The following TRMT61B variants were observed in gnomAD, a reference collection of about 807,000 sequenced individuals.
The protein encoded by TRMT61B is tRNA (adenine(58)-N(1))-methyltransferase, mitochondrial.
A neutral mutation model predicts 52.0 loss-of-function variants in TRMT61B; 56 were observed. The observed-to-expected ratio is 1.08, with a 90% CI of 0.87 to 1.35. The LOEUF (loss-of-function observed/expected upper bound fraction) is 1.35. TRMT61B is among the 40% of genes most tolerant of loss of function. TRMT61B has a pLI of 0.00. For synonymous variants in TRMT61B, 206 were observed against 220.0 expected (o/e 0.94, Z 0.56); for missense variants, 650 against 577.9 (o/e 1.12, Z -1.28).
rs188915844 is a variant in TRMT61B, at chr2:28,853,564, C to T, written c.994-1065G>A. 2.2e-4 allele frequency among the ~76,000 whole-genome samples: 33 copies of T among 152,310 alleles called. No homozygotes were observed. The East Asian group carries it at 6.0e-3, about 28-fold the overall frequency. On this transcript the variant is annotated intron_variant, in intron 3 of 6. Coordinates refer to ENST00000306108, the MANE Select transcript of TRMT61B (RefSeq NM_017910.4). ...AGAAATTCACATTGTTGGCCAGAGG[C>T]AGTGGCTCACGCCTATAATCCCAGC...
intron 3 of TRMT61B, among the ~76,000 whole-genome samples, chr2:28,854,516 G>C (rs999105511): frequency 6.6e-6 from 1 of 152,008 alleles, no homozygotes; most frequent in Admixed American, 6.6e-5. Context: ...GAGGTGAGCG[G>C]ATCACCTGAG....
At chr2:28,853,556 G>C (rs751117568) in intron 3 of TRMT61B, among the ~76,000 whole-genome samples, 1 of 152,166 alleles carries the variant, frequency 6.6e-6, no homozygotes, top group Non-Finnish European at 1.5e-5. Context: ...CACATTGTTG[G>C]CCAGAGGCAG....
chr2:28,863,512 G>A (rs1416383318), intron 2 of TRMT61B, among the ~76,000 whole-genome samples: 1 of 151,258 alleles, frequency 6.6e-6, no homozygotes, highest in African/African-American at 2.4e-5. Flanking sequence ...ATAGCAATAA[G>A]TTCTTGCACA....
At chr2:28,852,341 A>G in intron 4 of TRMT61B, 67 bp downstream of exon 4, 1 of 683,946 alleles carries the variant, frequency 1.5e-6, no homozygotes, top group Admixed American at 2.7e-5. Flanking sequence ...AAAAAAATTT[A>G]GTTTGATACT....
intron 1 of TRMT61B, among the ~76,000 whole-genome samples, chr2:28,865,542 A>G (rs1272968553): frequency 6.6e-6 from 1 of 152,146 alleles, no homozygotes; most frequent in Non-Finnish European, 1.5e-5. Context: ...TGTGTCACTG[A>G]GGTGATATAA....
At chr2:28,864,935 A>C in intron 2 of TRMT61B, 82 bp downstream of exon 2, 1 of 824,496 alleles carries the variant, frequency 1.2e-6, no homozygotes, top group Non-Finnish European at 2.0e-6. Flanking sequence ...TATTTTCCCA[A>C]ATATCTTTAT....
intron 5 of TRMT61B, 134 bp from the exon 6 acceptor site, chr2:28,850,539 C>A (rs972201657): frequency 1.8e-5 from 11 of 615,080 alleles, no homozygotes; most frequent in African/African-American, 1.7e-4. Flanking sequence ...TGTTTTAGAG[C>A]TACTCTGCCA....
intron 3 of TRMT61B, among the ~76,000 whole-genome samples, chr2:28,853,251 C>T (rs184697986): frequency 1.3e-5 from 2 of 151,868 alleles, no homozygotes; most frequent in East Asian, 3.9e-4. Context: ...TGTCACCTCG[C>T]TGCAACTTCC....
intron 1 of TRMT61B, among the ~76,000 whole-genome samples, chr2:28,868,411 T>C (rs2148155474): frequency 6.6e-6 from 1 of 152,302 alleles, no homozygotes; most frequent in South Asian, 2.1e-4. Context: ...CCCAAAACAA[T>C]GTCATTGTTA....
At chr2:28,853,422 C>T (rs1391521167) in intron 3 of TRMT61B, among the ~76,000 whole-genome samples, 4 of 152,136 alleles carry the variant, frequency 2.6e-5, no homozygotes, top group East Asian at 1.9e-4. Context: ...GCGATCTGCC[C>T]GCCTCGGCCT....
Position 28,865,025 on chromosome 2 carries a change from G to C in TRMT61B, c.794C>G (p.Ser265Cys). ...TCAGTCCAATCTCTTACCTGCTTTGGATAAAAATAAGCTCATTCCACCAGA... is the reference window on the plus strand; with the variant it reads ...TCAGTCCAATCTCTTACCTGCTTTGCATAAAAATAAGCTCATTCCACCAGA... ...SGSGGMSLFL[S>C]KAVGSQGRVI... The change falls in exon 2 of 7, where the codon TCC (serine) becomes TGC (cysteine). Residue 265 changes from serine (S) to cysteine (C), a missense_variant. By Grantham distance (112) the Ser-to-Cys change is moderately radical. Transcript: ENST00000306108. 2 of 1,606,746 alleles carry C rather than the reference G, an allele frequency of 1.2e-6. No homozygotes were observed. The highest frequency in any genetic ancestry group is 8.5e-7 in the Non-Finnish European group (1 of 1,173,614).
At chr2:28,869,063 T>C (rs941101789) in intron 1 of TRMT61B, among the ~76,000 whole-genome samples, 2 of 152,234 alleles carry the variant, frequency 1.3e-5, no homozygotes, top group African/African-American at 4.8e-5. Flanking sequence ...ATAGTCATTT[T>C]ATGTTTGGTG....
intron 2 of TRMT61B, among the ~76,000 whole-genome samples, chr2:28,864,572 A>G (rs1669746734): frequency 1.3e-5 from 2 of 152,194 alleles, no homozygotes; most frequent in African/African-American, 4.8e-5. Context: ...TAAAAGTCAC[A>G]ATAGTGGTTT....
chr2:28,861,729 C>T (rs1355960686), intron 2 of TRMT61B, among the ~76,000 whole-genome samples: 1 of 152,196 alleles, frequency 6.6e-6, no homozygotes, highest in African/African-American at 2.4e-5. Context: ...CTAATATAAA[C>T]AATACTGCAA....
chr2:28,850,453 A>G lies in TRMT61B; in HGVS notation c.1313-48T>C, dbSNP rs1558336550. ...CTATAAGCTACATAAAATATTTTCT[A>G]TTTTTTTCACAAAACTGTTAAAATA... On this transcript the variant is annotated intron_variant, in intron 5 of 6. Transcript: ENST00000306108. The G allele has an allele frequency of 4.7e-6, 6 of 1,284,646 alleles. No individual in the cohort carries two copies. The South Asian group carries it at 6.8e-5, about 15-fold the overall frequency. The allele number at this position is 1,284,646 out of a possible 1,614,324, so 79.6% of individuals were successfully genotyped here.
At chr2:28,856,913 G>A (rs1669369723) in intron 3 of TRMT61B, among the ~76,000 whole-genome samples, 1 of 151,960 alleles carries the variant, frequency 6.6e-6, no homozygotes, top group Non-Finnish European at 1.5e-5. Context: ...GGGATTACAG[G>A]CATGAACCAC....
At chr2:28,850,565 C>T in intron 5 of TRMT61B, 160 bp from the exon 6 acceptor site, 1 of 569,582 alleles carries the variant, frequency 1.8e-6, no homozygotes. Context: ...TATACAGAAA[C>T]TATTTGTCAA....
intron 5 of TRMT61B, chr2:28,850,660 G>A (rs1572526394): frequency 2.5e-6 from 1 of 399,422 alleles, no homozygotes; most frequent in East Asian, 4.4e-5. Context: ...CTTGTTCATG[G>A]CCTAAATAAT....
Position 28,861,118 on chromosome 2 carries a change from T to G in TRMT61B, c.993A>C (p.Ala331=), listed in dbSNP as rs761663494. ...ACAGGACCCACGTTAGAAAACTTAC[T>G]GCGTCAAATGTTAAAGATTTTATGT... ...TEDIKSLTFD[A]VALDMLNPHV... Residue 331 remains alanine (A), a splice_region_variant and synonymous_variant, in exon 3 of 7, where the codon GCA becomes GCC. Transcript: ENST00000306108. 6.3e-7 allele frequency: 1 copy of G among 1,593,736 alleles called. No individual in the cohort carries two copies. Among genetic ancestry groups the G allele is most frequent in the African/African-American group, 1.4e-5 (1 of 73,850 alleles).
Sources: gnomAD v4.1 joint callset for allele counts (sites outside exome capture counted in the v4.1 genomes callset) on GRCh38, gnomAD v4.1.1 for gene constraint, MANE v1.5 for transcripts, NCBI Gene and HGNC (gene_info 2026-07-23, HGNC 2026-07-21) for gene names.